MAST4: variants seen among roughly 807,000 people sequenced by gnomAD.
MAST4 encodes microtubule-associated serine/threonine-protein kinase 4.
A neutral mutation model predicts 162.7 loss-of-function variants in MAST4; 89 were observed. The ratio of observed to expected loss-of-function variants is 0.55; its 90% CI spans 0.46 to 0.65. The LOEUF (loss-of-function observed/expected upper bound fraction) is 0.65, where lower values mean the gene tolerates loss of function less well. Ranked by LOEUF, MAST4 falls within the 30% of genes least tolerant of loss-of-function variation. The probability of loss-of-function intolerance (pLI) is 0.00; values close to 1 mark genes in which losing one functional copy is unlikely to be tolerated. For missense variants in MAST4, 3,153 were observed against 3,374.0 expected (o/e 0.93, Z 1.62); for synonymous variants, 1,479 against 1,361.1 (o/e 1.09, Z -1.91).
Position 66,961,681 on chromosome 5 carries a change from T to C in MAST4, c.674+61699T>C, listed in dbSNP as rs528777988. ...AGTATAGAATTGGGTACATAGACAC[T>C]TCGTAGCACTCATCATGTGTGTTTC... On this transcript the variant is annotated intron_variant, in intron 4 of 28. Coordinates refer to ENST00000403625, the MANE Select transcript of MAST4 (RefSeq NM_001164664.2). Among the ~76,000 whole-genome samples the C allele has an allele frequency of 3.9e-5, 6 of 152,346 alleles. No homozygotes were observed. The East Asian group carries it at 7.7e-4, about 20-fold the overall frequency.
chr5:66,947,607 T>C (rs890872409), intron 4 of MAST4, among the ~76,000 whole-genome samples: 2 of 152,172 alleles, frequency 1.3e-5, no homozygotes, highest in African/African-American at 4.8e-5. Flanking sequence ...AGAATTGTTA[T>C]TATAGTGAAA....
intron 4 of MAST4, among the ~76,000 whole-genome samples, chr5:66,972,015 A>C (rs1277140531): frequency 6.6e-6 from 1 of 152,208 alleles, no homozygotes; most frequent in South Asian, 2.1e-4. Context: ...TTAAAAAAAA[A>C]AGTCATTTCT....
At chr5:66,873,434 C>T (rs1761081174) in intron 3 of MAST4, among the ~76,000 whole-genome samples, 1 of 152,192 alleles carries the variant, frequency 6.6e-6, no homozygotes, top group Non-Finnish European at 1.5e-5. Flanking sequence ...TTACAAATTA[C>T]AGGTTCCTAT....
chr5:66,802,752 G>A (rs1031698494), intron 3 of MAST4, among the ~76,000 whole-genome samples: 2 of 152,072 alleles, frequency 1.3e-5, no homozygotes, highest in African/African-American at 4.8e-5. Context: ...TAATTCTCTA[G>A]GACATGCAAT....
At chr5:66,883,236 A>G (rs138873240) in intron 3 of MAST4, among the ~76,000 whole-genome samples, 1,887 of 152,184 alleles carry the variant, frequency 0.012, 32 homozygotes, top group African/African-American at 0.042. Context: ...TTTCACTTCT[A>G]GCTTTTCTTT....
chr5:66,831,299 C>T (rs778607042), intron 3 of MAST4, among the ~76,000 whole-genome samples: 4 of 152,090 alleles, frequency 2.6e-5, no homozygotes, highest in Non-Finnish European at 4.4e-5. Context: ...ATCATTATGA[C>T]AGGCTAATAT....
intron 23 of MAST4, among the ~76,000 whole-genome samples, chr5:67,147,775 G>A (rs1166508960): frequency 2.0e-5 from 3 of 152,224 alleles, no homozygotes; most frequent in African/African-American, 7.2e-5. Context: ...GCTGATTTCT[G>A]TAAGAGAATG....
intron 3 of MAST4, among the ~76,000 whole-genome samples, chr5:66,847,820 C>CAAAAAAAAAAAAAAAAAAAAAAAA (rs777825639): frequency 3.3e-4 from 18 of 54,140 alleles, no homozygotes; most frequent in East Asian, 2.7e-3. Context: ...GACTCCTTCT[C>CAAAAAAAAAAAAAAAAAAAAAAAA]AAAAAAAAAA....
At chr5:67,036,883 T>C (rs529862662) in intron 4 of MAST4, among the ~76,000 whole-genome samples, 1 of 152,278 alleles carries the variant, frequency 6.6e-6, no homozygotes, top group Non-Finnish European at 1.5e-5. Flanking sequence ...TCCCATCTTG[T>C]GGTGATAGTA....
At chr5:67,065,466 G>A (rs7731985) in intron 5 of MAST4, among the ~76,000 whole-genome samples, 6,805 of 152,212 alleles carry the variant, frequency 0.045, 435 homozygotes, top group African/African-American at 0.14. Context: ...GTGGATTTGT[G>A]TCACAGGCAA....
intron 4 of MAST4, among the ~76,000 whole-genome samples, chr5:66,940,158 A>C (rs1261330547): frequency 2.6e-5 from 4 of 152,136 alleles, no homozygotes; most frequent in Non-Finnish European, 2.9e-5. Context: ...CTTTATTGCT[A>C]AAAAACAAGA....
chr5:67,116,066 A>G lies in MAST4; in HGVS notation c.1591+1847A>G, dbSNP rs193010471. Among the ~76,000 whole-genome samples, 60 of 152,306 alleles carry G rather than the reference A, an allele frequency of 3.9e-4. 1 individual carries two copies. Among genetic ancestry groups the G allele is most frequent in the African/African-American group, 1.4e-3 (58 of 41,572 alleles). ...GGGAATAATCTGAGGCCCATGTATA[A>G]ACTAGCTTTCTAGAGGCTCTGAAGA... On this transcript the variant is annotated intron_variant, in intron 12 of 28. Coordinates refer to ENST00000403625, the MANE Select transcript of MAST4 (RefSeq NM_001164664.2).
At chr5:66,612,649 C>G (rs1405055330) in intron 1 of MAST4, among the ~76,000 whole-genome samples, 1 of 152,142 alleles carries the variant, frequency 6.6e-6, no homozygotes, top group Non-Finnish European at 1.5e-5. Context: ...AGTGCACTAT[C>G]AAGTGAACAA....
At chr5:66,707,342 T>C (rs1044009306) in intron 1 of MAST4, among the ~76,000 whole-genome samples, 1 of 152,194 alleles carries the variant, frequency 6.6e-6, no homozygotes, top group Admixed American at 6.5e-5. Context: ...AGCTGTGTGT[T>C]CCTCATCCCT....
intron 3 of MAST4, among the ~76,000 whole-genome samples, chr5:66,869,014 A>G (rs1348510797): frequency 6.6e-6 from 1 of 152,198 alleles, no homozygotes; most frequent in African/African-American, 2.4e-5. Flanking sequence ...GTTAATTTGC[A>G]CATTGACTGT....
chr5:66,888,704 TG>T (rs1762193570), intron 3 of MAST4, among the ~76,000 whole-genome samples: 1 of 152,246 alleles, frequency 6.6e-6, no homozygotes, highest in Admixed American at 6.5e-5. Context: ...TGATGGGTCC[TG>T]GAAAGCCCTG....
At position 66,900,025 on chromosome 5, in the gene MAST4, A is replaced by G. The variant is rs1303255616; in HGVS notation, c.674+43A>G. On this transcript the variant is annotated intron_variant, in intron 4 of 28. Transcript: ENST00000403625. ...GTTTCCTTGTTTTCTTTTTATTAAT[A>G]TATAGTTTATAGTATGATTCTTCTC... 6.8e-6 allele frequency: 9 copies of G among 1,323,124 alleles called. No homozygotes were observed. In the East Asian group the frequency reaches 7.9e-5, roughly 12 times the overall value. 82.0% of individuals were successfully genotyped at this position (1,323,124 alleles called of 1,614,324 possible).
At chr5:67,071,691 C>T (rs908797345) in intron 5 of MAST4, among the ~76,000 whole-genome samples, 2 of 152,002 alleles carry the variant, frequency 1.3e-5, no homozygotes, top group Admixed American at 6.6e-5. Context: ...ACACGGGAGG[C>T]GAAGGTTACA....
chr5:67,082,785 C>T (rs1762823658), intron 5 of MAST4, among the ~76,000 whole-genome samples: 1 of 151,912 alleles, frequency 6.6e-6, no homozygotes, highest in East Asian at 1.9e-4. Context: ...GTATTAAAAT[C>T]CAAATTTAAA....
Sources: allele counts gnomAD v4.1 joint callset (sites outside exome capture counted in the v4.1 genomes callset), GRCh38; gene constraint gnomAD v4.1.1; transcripts MANE v1.5; gene names NCBI Gene and HGNC (gene_info 2026-07-23, HGNC 2026-07-21).